Variants in PLCL2 observed in about 807,000 individuals in gnomAD.
The protein encoded by PLCL2 is inactive phospholipase C-like protein 2.
Under a neutral mutation model 79.6 loss-of-function variants are expected in PLCL2, and 4 were observed. That is an observed-to-expected ratio of 0.05 (90% CI 0.02 to 0.11). PLCL2 has a LOEUF of 0.11. Among genes scored for constraint, PLCL2 ranks in the 10% least tolerant of loss-of-function variants. The pLI, the probability that PLCL2 is intolerant of heterozygous loss-of-function variation, is 1.00. For missense variants in PLCL2, 895 were observed against 1,291.0 expected (o/e 0.69, Z 4.70); for synonymous variants, 484 against 457.7 (o/e 1.06, Z -0.73).
chr3:16,944,586 C>T (rs1425700483), intron 1 of PLCL2, among the ~76,000 whole-genome samples: 1 of 152,148 alleles, frequency 6.6e-6, no homozygotes, highest in African/African-American at 2.4e-5. Context: ...CAGAGATAAA[C>T]AGACCATGTG....
Position 16,983,715 on chromosome 3 carries a change from TA to T in PLCL2, c.328-25957del, listed in dbSNP as rs143588207. Among the ~76,000 whole-genome samples, 804 of 152,348 alleles carry T rather than the reference TA, an allele frequency of 5.3e-3. 3 individuals are homozygous for T. Among genetic ancestry groups the T allele is most frequent in the Non-Finnish European group, 8.7e-3 (589 of 68,032 alleles). On this transcript the variant is annotated intron_variant, in intron 1 of 5. Transcript: ENST00000615277. ...AATTGTCCACTACTAAGTCAATTTA[TA>T]ATACTAATAATGACCAATTTAAAGT...
chr3:17,033,657 A>G (rs913985612), intron 3 of PLCL2, among the ~76,000 whole-genome samples: 1 of 152,116 alleles, frequency 6.6e-6, no homozygotes. Flanking sequence ...TATGAGCTAC[A>G]CCCTCTACAT....
intron 1 of PLCL2, among the ~76,000 whole-genome samples, chr3:16,977,203 G>A (rs1380374078): frequency 6.6e-6 from 1 of 152,008 alleles, no homozygotes; most frequent in Non-Finnish European, 1.5e-5. Flanking sequence ...TTTATGTTAT[G>A]ATTTGTATTT....
chr3:16,902,090 A>T (rs1696632126), intron 1 of PLCL2, among the ~76,000 whole-genome samples: 1 of 152,088 alleles, frequency 6.6e-6, no homozygotes, highest in Non-Finnish European at 1.5e-5. Context: ...CCCCTCTAGC[A>T]TGCCCCCAGC....
intron 1 of PLCL2, among the ~76,000 whole-genome samples, chr3:16,900,363 C>T (rs1202044694): frequency 6.6e-6 from 1 of 152,000 alleles, no homozygotes; most frequent in Non-Finnish European, 1.5e-5. Flanking sequence ...CCTTGTTTTC[C>T]TCATAGAGCA....
At chr3:16,957,519 G>T (rs2063717520) in intron 1 of PLCL2, among the ~76,000 whole-genome samples, 1 of 152,168 alleles carries the variant, frequency 6.6e-6, no homozygotes, top group African/African-American at 2.4e-5. Context: ...ATTTGGGGTG[G>T]ACAGTTCTGT....
At chr3:16,924,059 G>A (rs2124936962) in intron 1 of PLCL2, among the ~76,000 whole-genome samples, 1 of 152,248 alleles carries the variant, frequency 6.6e-6, no homozygotes, top group African/African-American at 2.4e-5. Flanking sequence ...CTCTTTGAGT[G>A]TATTTAACAT....
chr3:17,072,956 T>A, intron 5 of PLCL2, among the ~76,000 whole-genome samples: 1 of 152,092 alleles, frequency 6.6e-6, no homozygotes, highest in East Asian at 1.9e-4. Context: ...CTTCTCAGAG[T>A]TTGTAAAATG....
In PLCL2 at chr3:16,885,030, C is replaced by G; in HGVS notation, c.-10C>G. The G allele has an allele frequency of 3.0e-6, 1 of 327,982 alleles. No homozygotes were observed. The highest frequency in any genetic ancestry group is 5.5e-6 in the Non-Finnish European group (1 of 181,358). 20.3% of individuals were successfully genotyped at this position (327,982 alleles called of 1,614,324 possible). A position where few individuals can be genotyped will look rare whatever the true frequency, so the allele number is the denominator to read the frequency against. On this transcript the variant is annotated 5_prime_UTR_variant, in exon 1 of 6. Transcript: ENST00000615277. Reference sequence around the variant, plus strand: ...GACGCGGCTTTGTGCAGGCGGGTCGCGGGGCGCCCATGGCGGAGTGCGGCC... The same window carrying G: ...GACGCGGCTTTGTGCAGGCGGGTCGGGGGGCGCCCATGGCGGAGTGCGGCC...
At chr3:17,026,726 G>GCAT (rs2064521153) in intron 3 of PLCL2, among the ~76,000 whole-genome samples, 1 of 152,038 alleles carries the variant, frequency 6.6e-6, no homozygotes. Context: ...AATTAGCCAG[G>GCAT]CATGATGGTG....
chr3:16,986,343 G>A (rs890786211), intron 1 of PLCL2, among the ~76,000 whole-genome samples: 7 of 151,928 alleles, frequency 4.6e-5, no homozygotes, highest in Non-Finnish European at 7.4e-5. Flanking sequence ...AGTTCCTTCC[G>A]GACCCTACAG....
At position 17,009,571 on chromosome 3, in the gene PLCL2, A is replaced by T; in HGVS notation, c.328-103A>T. Reference sequence around the variant, plus strand: ...ACAGGAATCTAGAATAGGAAATCTTAATAGTATGATTTTTTTCTAGGAAAT... The same window carrying T: ...ACAGGAATCTAGAATAGGAAATCTTTATAGTATGATTTTTTTCTAGGAAAT... On this transcript the variant is annotated intron_variant, in intron 1 of 5. Coordinates refer to ENST00000615277, the MANE Select transcript of PLCL2 (RefSeq NM_001144382.2). The surrounding 1 kb of genome is among the most constrained non-coding windows in gnomAD (Gnocchi z 4.0). The T allele has an allele frequency of 1.6e-6, 1 of 625,652 alleles. No individual in the cohort carries two copies. The highest frequency in any genetic ancestry group is 2.7e-6 in the Non-Finnish European group (1 of 369,504). The allele number at this position is 625,652 out of a possible 1,614,324, so 38.8% of individuals were successfully genotyped here. A position where few individuals can be genotyped will look rare whatever the true frequency, so the allele number is the denominator to read the frequency against.
intron 5 of PLCL2, among the ~76,000 whole-genome samples, chr3:17,081,725 C>G (rs1313660992): frequency 1.3e-5 from 2 of 152,210 alleles, no homozygotes; most frequent in African/African-American, 4.8e-5. Flanking sequence ...CTGCTCTGGC[C>G]TCTGATCCAA....
chr3:16,923,515 G>A (rs1174228034), intron 1 of PLCL2, among the ~76,000 whole-genome samples: 1 of 152,152 alleles, frequency 6.6e-6, no homozygotes, highest in Non-Finnish European at 1.5e-5. Flanking sequence ...GACTTTTATT[G>A]ATAAGGAATT....
chr3:17,071,487 A>G (rs890315227), intron 5 of PLCL2, among the ~76,000 whole-genome samples: 3 of 152,188 alleles, frequency 2.0e-5, no homozygotes, highest in Admixed American at 6.5e-5. Context: ...TTATAAATCT[A>G]TCTTTTTTAA....
At chr3:17,054,902 CTTTAG>C (rs953014859) in intron 4 of PLCL2, among the ~76,000 whole-genome samples, 36 of 152,154 alleles carry the variant, frequency 2.4e-4, no homozygotes, top group African/African-American at 8.4e-4. Context: ...TGCTGTGTGA[CTTTAG>C]TTTAGTCACT....
intron 1 of PLCL2, among the ~76,000 whole-genome samples, chr3:16,943,150 A>C (rs1271726720): frequency 6.6e-6 from 1 of 152,226 alleles, no homozygotes; most frequent in Non-Finnish European, 1.5e-5. Context: ...ACACGTTGAC[A>C]TAAATGACAG....
intron 1 of PLCL2, among the ~76,000 whole-genome samples, chr3:16,924,366 T>C (rs1473371525): frequency 6.6e-6 from 1 of 152,126 alleles, no homozygotes; most frequent in Admixed American, 6.5e-5. Context: ...TTGAAGCTTC[T>C]GTTCCATTAG....
chr3:17,088,599 C>T (rs896362598), intron 5 of PLCL2, among the ~76,000 whole-genome samples: 2 of 152,132 alleles, frequency 1.3e-5, no homozygotes, highest in Admixed American at 6.5e-5. Context: ...CTCTTCTGCT[C>T]GATAATTTTG....
Sources: allele counts gnomAD v4.1 joint callset (sites outside exome capture counted in the v4.1 genomes callset), GRCh38; gene constraint gnomAD v4.1.1; non-coding constraint Gnocchi (gnomAD v3.1); transcripts MANE v1.5; gene names NCBI Gene and HGNC (gene_info 2026-07-23, HGNC 2026-07-21).